VPS33A: variants seen among roughly 807,000 people sequenced by gnomAD.
The protein encoded by VPS33A is VPS33A core subunit of CORVET and HOPS complexes.
Under a neutral mutation model 71.8 loss-of-function variants are expected in VPS33A, and 32 were observed. The observed-to-expected ratio is 0.45, with a 90% CI of 0.34 to 0.60. The LOEUF is 0.60. Among genes scored for constraint, VPS33A ranks in the 20% least tolerant of loss-of-function variants. VPS33A has a pLI of 0.02. For synonymous variants in VPS33A, 311 were observed against 292.7 expected (o/e 1.06, Z -0.64); for missense variants, 625 against 748.5 (o/e 0.84, Z 1.92).
chr12:122,240,642 AC>A (rs1440279680), intron 8 of VPS33A, among the ~76,000 whole-genome samples: 4 of 152,210 alleles, frequency 2.6e-5, no homozygotes, highest in Non-Finnish European at 5.9e-5. Flanking sequence ...ACTGTGATTT[AC>A]TTAAGATTCG....
intron 1 of VPS33A, 23 bp downstream of exon 1, chr12:122,266,260 CCGGACCAGGGGAGGCGAGGGCGGT>C: frequency 2.5e-6 from 4 of 1,598,310 alleles, no homozygotes; most frequent in Non-Finnish European, 3.4e-6. Flanking sequence ...TTAAACCAGG[CCGGACCAGGGGAGGCGAGGGCGGT>C]GTCGCTGCCT....
In VPS33A at chr12:122,232,089, C is replaced by A. The variant is rs778591474; in HGVS notation, c.*157G>T. 1.4e-5 allele frequency: 9 copies of A among 659,318 alleles called. No homozygotes were observed. The highest frequency in any genetic ancestry group is 1.9e-5 in the Non-Finnish European group (8 of 417,770). 40.8% of individuals were successfully genotyped at this position (659,318 alleles called of 1,614,324 possible). Reference sequence around the variant, plus strand: ...AAAAAAAAAGGGAATACAAAAGAGACGGAGAAAGCAGTAAACAGTAGTATA... The same window carrying A: ...AAAAAAAAAGGGAATACAAAAGAGAAGGAGAAAGCAGTAAACAGTAGTATA... On this transcript the variant is annotated 3_prime_UTR_variant, in exon 13 of 13. Coordinates refer to ENST00000267199, the MANE Select transcript of VPS33A (RefSeq NM_022916.6).
chr12:122,232,542 C>A, intron 12 of VPS33A, 115 bp from the exon 13 acceptor site: 1 of 1,157,278 alleles, frequency 8.6e-7, no homozygotes, highest in South Asian at 1.7e-5. Flanking sequence ...CCAGACAGTT[C>A]ATCTGAAACC....
intron 4 of VPS33A, among the ~76,000 whole-genome samples, chr12:122,258,088 T>C (rs964953596): frequency 1.8e-4 from 27 of 151,986 alleles, no homozygotes; most frequent in Non-Finnish European, 3.4e-4. Flanking sequence ...GACCTAAACA[T>C]AAGATGTAGA....
chr12:122,249,078 C>A (rs552575531), intron 6 of VPS33A: 7 of 152,056 alleles, frequency 4.6e-5, no homozygotes, highest in African/African-American at 1.4e-4. Context: ...CCAGTTTTTA[C>A]GGTATTCTTA....
chr12:122,239,679 A>T (rs1039627648), intron 9 of VPS33A, among the ~76,000 whole-genome samples, 199 bp downstream of exon 9: 1 of 144,276 alleles, frequency 6.9e-6, no homozygotes, highest in South Asian at 2.3e-4. Flanking sequence ...TGCAGTGAGC[A>T]GAGATGGCGC....
intron 4 of VPS33A, among the ~76,000 whole-genome samples, chr12:122,260,339 G>C (rs1954976619): frequency 6.6e-6 from 1 of 150,402 alleles, no homozygotes. Context: ...TCCCTCTGTC[G>C]CCCAAGCTGG....
intron 8 of VPS33A, among the ~76,000 whole-genome samples, chr12:122,241,604 CTT>C (rs886340258): frequency 1.4e-5 from 2 of 144,054 alleles, no homozygotes; most frequent in African/African-American, 2.5e-5. Flanking sequence ...CTCGCCCAGT[CTT>C]TTTTTTTTTT....
intron 4 of VPS33A, 97 bp from the exon 5 acceptor site, chr12:122,251,196 C>A: frequency 1.2e-6 from 1 of 808,252 alleles, no homozygotes; most frequent in South Asian, 1.6e-5. Flanking sequence ...ACAATAAAAT[C>A]ATTTCCAGTT....
chr12:122,251,512 G>T (rs1006655529), intron 4 of VPS33A, among the ~76,000 whole-genome samples: 2 of 152,208 alleles, frequency 1.3e-5, no homozygotes, highest in Non-Finnish European at 2.9e-5. Context: ...AAATGCAAAA[G>T]ACCACAGGAC....
chr12:122,251,140 C>CT, intron 4 of VPS33A, 41 bp from the exon 5 acceptor site: 1 of 1,408,034 alleles, frequency 7.1e-7, no homozygotes, highest in Non-Finnish European at 1.0e-6. Flanking sequence ...CCATGGGGGC[C>CT]TCCCAGGGGC....
chr12:122,253,144 C>G (rs1205469401), intron 4 of VPS33A: 1 of 152,092 alleles, frequency 6.6e-6, no homozygotes, highest in African/African-American at 2.4e-5. Flanking sequence ...ACTACTCTTT[C>G]AAGTGTGGTA....
chr12:122,232,509 T>A, intron 12 of VPS33A, 82 bp from the exon 13 acceptor site: 4 of 1,380,086 alleles, frequency 2.9e-6, no homozygotes, highest in Non-Finnish European at 3.9e-6. Flanking sequence ...TTATCATTCA[T>A]AAGAATAAAC....
rs1450269569 is a variant in VPS33A, at chr12:122,266,469, C to T, written c.-61G>A. 2 of 1,573,016 alleles carry T rather than the reference C, an allele frequency of 1.3e-6. No individual in the cohort carries two copies. Among genetic ancestry groups the T allele is most frequent in the Non-Finnish European group, 8.7e-7 (1 of 1,153,348 alleles). ...GAGTCCGCCGGTTCCTACGGGAGGACCACGGACGCAGTCACGTGACCAAAC... is the reference window on the plus strand; with the variant it reads ...GAGTCCGCCGGTTCCTACGGGAGGATCACGGACGCAGTCACGTGACCAAAC... On this transcript the variant is annotated 5_prime_UTR_variant, in exon 1 of 13. Transcript: ENST00000267199.
chr12:122,238,766 T>TACATAC (rs1555247682), intron 9 of VPS33A, 42 bp from the exon 10 acceptor site: 5 of 1,353,988 alleles, frequency 3.7e-6, no homozygotes, highest in East Asian at 4.8e-5. Flanking sequence ...CATTTACATA[T>TACATAC]ACATACACAC....
At chr12:122,264,013 G>C in intron 2 of VPS33A, 121 bp downstream of exon 2, 1 of 853,912 alleles carries the variant, frequency 1.2e-6, no homozygotes, top group Non-Finnish European at 1.8e-6. Flanking sequence ...ACTAGTATTA[G>C]TGTTTATAAA....
chr12:122,257,757 T>C (rs1355913595), intron 4 of VPS33A, among the ~76,000 whole-genome samples: 2 of 152,068 alleles, frequency 1.3e-5, no homozygotes, highest in East Asian at 3.8e-4. Context: ...ACAAAAGTGA[T>C]ATATTTACCT....
intron 6 of VPS33A, among the ~76,000 whole-genome samples, chr12:122,245,765 A>G (rs1428246345): frequency 1.3e-5 from 2 of 152,184 alleles, no homozygotes; most frequent in South Asian, 2.1e-4. Flanking sequence ...TTTTGCAAAT[A>G]AAGTTTTATT....
At chr12:122,249,028 C>T (rs1333531437) in intron 6 of VPS33A, 2 of 152,116 alleles carry the variant, frequency 1.3e-5, no homozygotes, top group Non-Finnish European at 2.9e-5. Context: ...AAAACTGACC[C>T]TTTGGAGGCA....
Sources: allele counts gnomAD v4.1 joint callset (sites outside exome capture counted in the v4.1 genomes callset), GRCh38; gene constraint gnomAD v4.1.1; transcripts MANE v1.5; gene names NCBI Gene and HGNC (gene_info 2026-07-23, HGNC 2026-07-21).